Variants in CAMSAP3 observed in about 807,000 individuals in gnomAD.
The protein encoded by CAMSAP3 is calmodulin-regulated spectrin-associated protein 3.
Under a neutral mutation model 112.5 loss-of-function variants are expected in CAMSAP3, and 34 were observed. The observed-to-expected ratio is 0.30, with a 90% CI of 0.23 to 0.40. The LOEUF (loss-of-function observed/expected upper bound fraction) is 0.40, where lower values mean the gene tolerates loss of function less well. Ranked by LOEUF, CAMSAP3 falls within the 10% of genes least tolerant of loss-of-function variation. The pLI is 1.00. For synonymous variants in CAMSAP3, 868 were observed against 799.8 expected (o/e 1.09, Z -1.44); for missense variants, 1,602 against 1,770.3 (o/e 0.90, Z 1.71).
intron 1 of CAMSAP3, among the ~76,000 whole-genome samples, 186 bp from the exon 2 acceptor site, chr19:7,605,040 C>G (rs770401811): frequency 6.6e-6 from 1 of 152,104 alleles, no homozygotes; most frequent in Non-Finnish European, 1.5e-5. Context: ...GCCATCACCC[C>G]TTCCTCCAGC....
chr19:7,613,540 G>A (rs1414567104), intron 11 of CAMSAP3, among the ~76,000 whole-genome samples: 2 of 150,858 alleles, frequency 1.3e-5, no homozygotes, highest in African/African-American at 4.9e-5. Flanking sequence ...ATGTTTGGGG[G>A]TGAGGGGTTT....
intron 1 of CAMSAP3, among the ~76,000 whole-genome samples, chr19:7,602,689 C>T (rs1339029927): frequency 7.4e-6 from 1 of 135,396 alleles, no homozygotes; most frequent in Non-Finnish European, 1.5e-5. Flanking sequence ...CCGTGGCAGC[C>T]GCTGTTGCAG....
rs1009966126 is a variant in CAMSAP3 at position 7,611,362 on chromosome 19, G to A, written c.1124-155G>A. Reference sequence around the variant, plus strand: ...CCCCGTAGTGACAGTAAATGGCCCCGGGTATCTGTTTCTGGAAACCTCTGG... The same window carrying A: ...CCCCGTAGTGACAGTAAATGGCCCCAGGTATCTGTTTCTGGAAACCTCTGG... On this transcript the variant is annotated intron_variant, in intron 9 of 16. Transcript: ENST00000160298. The surrounding 1 kb of genome is among the most constrained non-coding windows in gnomAD (Gnocchi z 6.9). Among the ~76,000 whole-genome samples, 1 of 152,158 alleles carries A rather than the reference G, an allele frequency of 6.6e-6. No homozygotes were observed. Among genetic ancestry groups the A allele is most frequent in the Non-Finnish European group, 1.5e-5 (1 of 68,012 alleles).
intron 1 of CAMSAP3, among the ~76,000 whole-genome samples, chr19:7,597,377 C>T (rs1357569947): frequency 2.6e-5 from 4 of 152,228 alleles, no homozygotes; most frequent in Admixed American, 2.0e-4. Flanking sequence ...AGGACAGCCC[C>T]AGCTCCTCAC....
Position 7,607,865 on chromosome 19 carries a change from C to A in CAMSAP3, c.622-261C>A. The A allele has an allele frequency of 1.6e-6, 2 of 1,261,578 alleles. No individual in the cohort carries two copies. Among genetic ancestry groups the A allele is most frequent in the Non-Finnish European group, 2.2e-6 (2 of 902,582 alleles). The allele number at this position is 1,261,578 out of a possible 1,614,324, so 78.1% of individuals were successfully genotyped here. A position where few individuals can be genotyped will look rare whatever the true frequency, so the allele number is the denominator to read the frequency against. ...TGAAGGAGTCGGGGAGCAAACCCCC[C>A]ATGGTAATGTATCCCCCGCCCCGGG... On this transcript the variant is annotated intron_variant, in intron 4 of 16. Coordinates refer to ENST00000160298, the MANE Select transcript of CAMSAP3 (RefSeq NM_020902.2). This position sits in a 1 kb window ranked among gnomAD's most constrained non-coding sequence, Gnocchi z 4.9.
rs748239790 is a variant in CAMSAP3, at chr19:7,615,150, G to A, written c.2671-33G>A. ...GGGCCTCCAGCCATGTTGGGGGAGG[G>A]GGTGGCTGGCTGGACTCGGCGTCTG... On this transcript the variant is annotated intron_variant, in intron 11 of 16. Transcript: ENST00000160298. The surrounding 1 kb of genome is among the most constrained non-coding windows in gnomAD (Gnocchi z 6.5). The A allele has an allele frequency of 6.4e-7, 1 of 1,552,980 alleles. No homozygotes were observed.
intron 1 of CAMSAP3, among the ~76,000 whole-genome samples, chr19:7,599,561 T>C (rs1316703781): frequency 6.3e-5 from 5 of 79,932 alleles, no homozygotes; most frequent in Non-Finnish European, 9.3e-5. Context: ...CATTCATCCA[T>C]CCATCCATCC....
chr19:7,613,657 G>A (rs1265730550), intron 11 of CAMSAP3, among the ~76,000 whole-genome samples: 1 of 151,906 alleles, frequency 6.6e-6, no homozygotes, highest in Non-Finnish European at 1.5e-5. Flanking sequence ...AGGAGTCATG[G>A]ATAGACAGAT....
chr19:7,596,208 G>GGGA (rs1555756505), intron 1 of CAMSAP3, 58 bp downstream of exon 1: 1 of 659,472 alleles, frequency 1.5e-6, no homozygotes, highest in East Asian at 1.1e-4. Flanking sequence ...GCAGGTGCTG[G>GGGA]GGGGGGGCGG....
chr19:7,612,883 T>C lies in CAMSAP3; in HGVS notation c.2390T>C (p.Val797Ala). Residue 797 changes from valine (V) to alanine (A), a missense_variant, in exon 11 of 17, where the codon GTG becomes GCG. Val to Ala is a moderately conservative substitution (Grantham distance 64). Around this residue, in one of 6 missense-constraint regions of CAMSAP3, gnomAD observed 1,100 missense variants for 1,135.7 expected, o/e 0.97. Transcript: ENST00000160298. ...AELRLAPLTR[V>A]LTPPHDVDSL... The stretch of plus-strand genomic sequence containing the variant: ...CTGCGGCTGGCACCCTTGACCAGGG[T>C]GCTTACGCCACCCCACGACGTAGAC... 1 of 1,603,982 alleles carries C rather than the reference T, an allele frequency of 6.2e-7. No individual in the cohort carries two copies. Among genetic ancestry groups the C allele is most frequent in the Non-Finnish European group, 8.5e-7 (1 of 1,177,498 alleles).
chr19:7,614,378 G>A (rs1328115583), intron 11 of CAMSAP3, among the ~76,000 whole-genome samples: 4 of 142,726 alleles, frequency 2.8e-5, no homozygotes, highest in Non-Finnish European at 3.0e-5. Flanking sequence ...ACAGAGTCTC[G>A]CTCTGTGGCC....
At position 7,607,581 on chromosome 19, in the gene CAMSAP3, C is replaced by G. The variant is rs993779971; in HGVS notation, c.622-545C>G. Reference sequence around the variant, plus strand: ...GCTTCCTCTGCATCCTCTCCCCAAGCTGGGGGCCTGGGTCTTTTGTGGGAG... The same window carrying G: ...GCTTCCTCTGCATCCTCTCCCCAAGGTGGGGGCCTGGGTCTTTTGTGGGAG... On this transcript the variant is annotated intron_variant, in intron 4 of 16. Transcript: ENST00000160298. This position sits in a 1 kb window ranked among gnomAD's most constrained non-coding sequence, Gnocchi z 4.9. Among the ~76,000 whole-genome samples the G allele has an allele frequency of 3.9e-5, 6 of 152,148 alleles. No homozygotes were observed. The highest frequency in any genetic ancestry group is 8.8e-5 in the Non-Finnish European group (6 of 68,002).
At position 7,612,836 on chromosome 19, in the gene CAMSAP3, GA is replaced by G; in HGVS notation, c.2346del (p.Lys782AsnfsTer13). 6.3e-7 allele frequency: 1 copy of G among 1,582,186 alleles called. No individual in the cohort carries two copies. Among genetic ancestry groups the G allele is most frequent in the South Asian group, 1.1e-5 (1 of 87,860 alleles). ...PGPSQSPRSP[K>X]HTRPAELRLA... Reference sequence around the variant, plus strand: ...GGCCCAGCCAGTCACCCCGCAGCCCGAAACACACGCGGCCAGCGGAGCTGCG... The same window carrying G: ...GGCCCAGCCAGTCACCCCGCAGCCCGAACACACGCGGCCAGCGGAGCTGCG... On this transcript the variant is annotated frameshift_variant, in exon 11 of 17. Coordinates refer to ENST00000160298, the MANE Select transcript of CAMSAP3 (RefSeq NM_020902.2). LOFTEE classifies it high-confidence loss of function.
rs1351884933 is a variant in CAMSAP3, at chr19:7,612,670, G to A, written c.2177G>A (p.Arg726Gln). 4 of 1,512,640 alleles carry A rather than the reference G, an allele frequency of 2.6e-6. No individual in the cohort carries two copies. Among genetic ancestry groups the A allele is most frequent in the Non-Finnish European group, 3.5e-6 (4 of 1,132,350 alleles). The allele number at this position is 1,512,640 out of a possible 1,614,324, so 93.7% of individuals were successfully genotyped here. A position where few individuals can be genotyped will look rare whatever the true frequency, so the allele number is the denominator to read the frequency against. ...DMQRLTDQQQRLLAPPEAPGS... is the reference protein window; with the variant it reads ...DMQRLTDQQQQLLAPPEAPGS... ...CAGAGGCTCACGGACCAGCAGCAGC[G>A]GCTCCTGGCCCCGCCCGAGGCCCCC... is the stretch of plus-strand genomic sequence containing the variant. The change falls in exon 11 of 17, where the codon CGG (arginine) becomes CAG (glutamine). Residue 726 changes from arginine to glutamine, a missense_variant. Around this residue, in one of 6 missense-constraint regions of CAMSAP3, gnomAD observed 1,100 missense variants for 1,135.7 expected, o/e 0.97. Coordinates refer to ENST00000160298, the MANE Select transcript of CAMSAP3 (RefSeq NM_020902.2).
In CAMSAP3 at chr19:7,612,863, G is replaced by A. The variant is rs1327769587; in HGVS notation, c.2370G>A (p.Arg790=). 6.2e-7 allele frequency: 1 copy of A among 1,601,768 alleles called. No homozygotes were observed. Among genetic ancestry groups the A allele is most frequent in the Admixed American group, 1.7e-5 (1 of 59,552 alleles). Residue 790 remains arginine (R), a synonymous_variant, in exon 11 of 17, where the codon CGG becomes CGA. Coordinates refer to ENST00000160298, the MANE Select transcript of CAMSAP3 (RefSeq NM_020902.2). ...AACACACGCGGCCAGCGGAGCTGCG[G>A]CTGGCACCCTTGACCAGGGTGCTTA... is the stretch of plus-strand genomic sequence containing the variant. The part of the protein sequence containing the change: ...SPKHTRPAEL[R]LAPLTRVLTP...
chr19:7,618,215 G>C lies in CAMSAP3; in HGVS notation c.*158G>C. ...ACTTTGAGTCCAGTCCTGCTGTGGG[G>C]GCTGAGCTGGGAGGTTCAGGGACTC... is the stretch of plus-strand genomic sequence containing the variant. On this transcript the variant is annotated 3_prime_UTR_variant, in exon 17 of 17. Transcript: ENST00000160298. 1.3e-6 allele frequency: 1 copy of C among 770,004 alleles called. No homozygotes were observed. The highest frequency in any genetic ancestry group is 2.0e-6 in the Non-Finnish European group (1 of 490,504). 47.7% of individuals were successfully genotyped at this position (770,004 alleles called of 1,614,324 possible). A position where few individuals can be genotyped will look rare whatever the true frequency, so the allele number is the denominator to read the frequency against.
chr19:7,613,377 C>T (rs2030613439), intron 11 of CAMSAP3, among the ~76,000 whole-genome samples: 1 of 135,242 alleles, frequency 7.4e-6, no homozygotes, highest in Non-Finnish European at 1.6e-5. Context: ...GGGAAAGGGA[C>T]ATTTGCACGG....
intron 1 of CAMSAP3, among the ~76,000 whole-genome samples, chr19:7,599,404 T>C (rs111211955): frequency 0.46 from 24,706 of 53,752 alleles, 3,808 homozygotes; most frequent in South Asian, 0.5. Context: ...ATCCACCCAT[T>C]CATTCATCCA....
intron 14 of CAMSAP3, among the ~76,000 whole-genome samples, chr19:7,616,863 G>C (rs1162830374): frequency 6.6e-6 from 1 of 151,506 alleles, no homozygotes; most frequent in Non-Finnish European, 1.5e-5. Context: ...GAGGAGGACA[G>C]CACGGGGCAC....
Sources: gnomAD v4.1 joint callset for allele counts (sites outside exome capture counted in the v4.1 genomes callset) on GRCh38, gnomAD v4.1.1 for gene constraint, gnomAD v4.1.1 regional missense constraint, Gnocchi (gnomAD v3.1) non-coding constraint, MANE v1.5 for transcripts, NCBI Gene and HGNC (gene_info 2026-07-23, HGNC 2026-07-21) for gene names.